Variants in CARF observed in about 807,000 individuals in gnomAD.
CARF encodes the protein calcium responsive transcription factor, also known as calcium-responsive transcription factor.
CARF carries 57 observed loss-of-function variants against 82.0 expected under a neutral mutation model. The observed-to-expected ratio is 0.70, with a 90% CI of 0.56 to 0.87. The LOEUF is 0.87. Ranked by LOEUF, CARF falls within the 40% of genes least tolerant of loss-of-function variation. The pLI is 0.00. For missense variants in CARF, 771 were observed against 855.8 expected, an observed-to-expected ratio of 0.90 and a Z score of 1.24; for synonymous variants, 268 against 290.1, an observed-to-expected ratio of 0.92 and a Z score of 0.77.
intron 3 of CARF, among the ~76,000 whole-genome samples, chr2:202,927,378 G>A (rs940814115): frequency 6.6e-6 from 1 of 151,026 alleles, no homozygotes; most frequent in Non-Finnish European, 1.5e-5. Context: ...GACAAAAATT[G>A]TGTATATTGA....
chr2:202,969,782 C>T, intron 10 of CARF, 137 bp from the exon 11 acceptor site: 1 of 488,572 alleles, frequency 2.0e-6, no homozygotes, highest in Non-Finnish European at 3.5e-6. Context: ...ATATATTTTA[C>T]ATAAGCCTCT....
At chr2:202,926,057 A>G (rs1343753529) in intron 3 of CARF, among the ~76,000 whole-genome samples, 1 of 152,144 alleles carries the variant, frequency 6.6e-6, no homozygotes, top group Non-Finnish European at 1.5e-5. Context: ...CGAGATCCAC[A>G]ATGGGAAGCT....
chr2:202,968,825 T>G (rs953199803), intron 10 of CARF, among the ~76,000 whole-genome samples: 2 of 152,156 alleles, frequency 1.3e-5, no homozygotes. Context: ...TAGAATATAG[T>G]GTGAAATATA....
intron 8 of CARF, among the ~76,000 whole-genome samples, chr2:202,957,783 C>T (rs1016609198): frequency 6.6e-6 from 1 of 152,006 alleles, no homozygotes; most frequent in African/African-American, 2.4e-5. Context: ...GGCGAAACCC[C>T]ATCTCTGCTA....
intron 3 of CARF, chr2:202,924,808 GGT>G (rs1209188195): frequency 5.5e-6 from 1 of 181,744 alleles, no homozygotes; most frequent in East Asian, 1.7e-4. Flanking sequence ...GGCTATGCCA[GGT>G]CTGGTGGTAT....
At chr2:202,963,500 G>A (rs2059410411) in intron 9 of CARF, among the ~76,000 whole-genome samples, 2 of 152,186 alleles carry the variant, frequency 1.3e-5, no homozygotes, top group Non-Finnish European at 2.9e-5. Context: ...ACCAGGGACT[G>A]GTTTTGTGGA....
rs1056138370 is a variant in CARF at position 202,955,538 on chromosome 2, T to G, written c.558-136T>G. 5.8e-6 allele frequency: 3 copies of G among 516,334 alleles called. No homozygotes were observed. In the African/African-American group the frequency reaches 5.9e-5, roughly 10 times the overall value. The allele number at this position is 516,334 out of a possible 1,614,324, so 32.0% of individuals were successfully genotyped here. A position where few individuals can be genotyped will look rare whatever the true frequency, so the allele number is the denominator to read the frequency against. The stretch of plus-strand genomic sequence containing the variant: ...AATAATAACTAATGCACCCATCAGA[T>G]CAATCTGTAGTTATTGTTAAAATTT... On this transcript the variant is annotated intron_variant, in intron 7 of 16. Transcript: ENST00000438828.
intron 3 of CARF, among the ~76,000 whole-genome samples, 163 bp from the exon 4 acceptor site, chr2:202,941,697 A>C (rs2058236890): frequency 6.6e-6 from 1 of 151,418 alleles, no homozygotes; most frequent in African/African-American, 2.4e-5. Context: ...GTGCCTTGGC[A>C]AGTCATTTTA....
chr2:202,934,689 A>G (rs576246861), intron 3 of CARF: 5 of 152,332 alleles, frequency 3.3e-5, no homozygotes, highest in Admixed American at 6.5e-5. Flanking sequence ...TCCTGGGATC[A>G]AGCAGTCTGC....
intron 5 of CARF, among the ~76,000 whole-genome samples, chr2:202,948,014 T>G (rs2058579231): frequency 1.3e-5 from 2 of 152,194 alleles, no homozygotes; most frequent in African/African-American, 4.8e-5. Flanking sequence ...TAGTCTATCT[T>G]GAGTTTATTT....
intron 3 of CARF, among the ~76,000 whole-genome samples, chr2:202,929,596 A>T (rs896685450): frequency 1.3e-5 from 2 of 152,092 alleles, no homozygotes; most frequent in African/African-American, 4.8e-5. Flanking sequence ...GCTTTGTAAT[A>T]TATTTTGAAG....
At position 202,949,769 on chromosome 2, in the gene CARF, C is replaced by T. The variant is rs556392623; in HGVS notation, c.307-2790C>T. On this transcript the variant is annotated intron_variant, in intron 5 of 16. Coordinates refer to ENST00000438828, the MANE Select transcript of CARF (RefSeq NM_024744.17). ...TTCATCATGTTGGCTAGGCTAGTCTCAAACTCCTGACCTCAGGTGATCCAC... is the reference window on the plus strand; with the variant it reads ...TTCATCATGTTGGCTAGGCTAGTCTTAAACTCCTGACCTCAGGTGATCCAC... Among the ~76,000 whole-genome samples the T allele has an allele frequency of 5.9e-5, 9 of 152,084 alleles. No homozygotes were observed. In the East Asian group the frequency reaches 9.7e-4, roughly 16 times the overall value.
At chr2:202,961,034 G>T (rs2059298429) in intron 8 of CARF, among the ~76,000 whole-genome samples, 1 of 152,186 alleles carries the variant, frequency 6.6e-6, no homozygotes, top group African/African-American at 2.4e-5. Context: ...GTATGGCAAT[G>T]AGTTTGGCAT....
chr2:202,938,713 T>A (rs1485794029), intron 3 of CARF, among the ~76,000 whole-genome samples: 1 of 151,920 alleles, frequency 6.6e-6, no homozygotes, highest in Non-Finnish European at 1.5e-5. Flanking sequence ...AAAAATAGTT[T>A]GGATCATATA....
At chr2:202,930,644 A>G (rs1025911578) in intron 3 of CARF, among the ~76,000 whole-genome samples, 11 of 152,032 alleles carry the variant, frequency 7.2e-5, no homozygotes, top group African/African-American at 2.2e-4. Context: ...TGAATTATCT[A>G]TTTGTATTTT....
intron 14 of CARF, among the ~76,000 whole-genome samples, chr2:202,978,121 C>T (rs2060107001): frequency 6.6e-6 from 1 of 152,212 alleles, no homozygotes; most frequent in African/African-American, 2.4e-5. Flanking sequence ...GGTGGGATTA[C>T]AGGCGTGAGC....
intron 2 of CARF, among the ~76,000 whole-genome samples, chr2:202,919,143 T>C (rs1000565803): frequency 6.6e-6 from 1 of 152,168 alleles, no homozygotes; most frequent in Non-Finnish European, 1.5e-5. Context: ...TGTACTTGCT[T>C]TCTCACCTCC....
In CARF at chr2:202,942,860, C is replaced by T; in HGVS notation, c.199C>T (p.Leu67=). The change falls in exon 5 of 17, where the codon CTG becomes TTG. Residue 67 remains leucine, a synonymous_variant. Coordinates refer to ENST00000438828, the MANE Select transcript of CARF (RefSeq NM_024744.17). Reference sequence around the variant, plus strand: ...CATATCACAGAATATACCAGGGCCCCTGACTCAGACACAGACTCTTTCTGC... The same window carrying T: ...CATATCACAGAATATACCAGGGCCCTTGACTCAGACACAGACTCTTTCTGC... The part of the protein sequence containing the change: ...SLISQNIPGP[L]TQTQTLSAEQ... 1 of 1,614,100 alleles carries T rather than the reference C, an allele frequency of 6.2e-7. No homozygotes were observed. Among genetic ancestry groups the T allele is most frequent in the Non-Finnish European group, 8.5e-7 (1 of 1,180,022 alleles).
chr2:202,971,764 TAC>T (rs2059799656), intron 12 of CARF, 26 bp downstream of exon 12: 4 of 1,563,706 alleles, frequency 2.6e-6, no homozygotes, highest in Non-Finnish European at 8.8e-7. Flanking sequence ...ATTGTTCTTT[TAC>T]ATTTTTCAGT....
Sources: allele counts gnomAD v4.1 joint callset (sites outside exome capture counted in the v4.1 genomes callset), GRCh38; gene constraint gnomAD v4.1.1; transcripts MANE v1.5; gene names NCBI Gene and HGNC (gene_info 2026-07-23, HGNC 2026-07-21).